The following CD24 variants were observed in gnomAD, a reference collection of about 807,000 sequenced individuals.
CD24 encodes CD24 molecule, also known as signal transducer CD24.
A neutral mutation model predicts 3.6 loss-of-function variants in CD24; 2 were observed. The ratio of observed to expected loss-of-function variants is 0.56; its 90% CI spans 0.23 to 1.77. The LOEUF (loss-of-function observed/expected upper bound fraction) is 1.77. Ranked by LOEUF, CD24 falls within the 40% of genes most tolerant of loss-of-function variation. The probability of loss-of-function intolerance (pLI) is 0.18; values close to 1 mark genes in which losing one functional copy is unlikely to be tolerated. For synonymous variants in CD24, 33 were observed against 44.9 expected (o/e 0.74, Z 1.06); for missense variants, 62 against 93.6 (o/e 0.66, Z 1.39).
At chr6:106,973,322 T>G (rs1028681320) in intron 1 of CD24, 1 of 243,772 alleles carries the variant, frequency 4.1e-6, no homozygotes, top group East Asian at 8.0e-5. Context: ...CTTACAATGT[T>G]GGAGGAAAAA....
intron 1 of CD24, chr6:106,973,710 C>A: frequency 2.5e-6 from 1 of 398,608 alleles, no homozygotes. Context: ...CCAGGCCCAG[C>A]CCCCGGTCTC....
intron 1 of CD24, among the ~76,000 whole-genome samples, chr6:106,972,932 C>T (rs1773008869): frequency 1.3e-5 from 2 of 152,108 alleles, no homozygotes; most frequent in African/African-American, 4.8e-5. Context: ...ATGTACAAAT[C>T]CTATCCAAAA....
Position 106,974,711 on chromosome 6 carries a change from G to A in CD24, c.-65C>T, listed in dbSNP as rs986113953. 2.7e-6 allele frequency: 4 copies of A among 1,467,256 alleles called. No homozygotes were observed. Among genetic ancestry groups the A allele is most frequent in the Non-Finnish European group, 3.6e-6 (4 of 1,114,958 alleles). 90.9% of individuals were successfully genotyped at this position (1,467,256 alleles called of 1,614,324 possible). On this transcript the variant is annotated 5_prime_UTR_variant, in exon 1 of 2. Coordinates refer to ENST00000606017, the MANE Select transcript of CD24 (RefSeq NM_001359084.1). ...GGGTGCTTGGAGAACCGCTGGCTCC[G>A]GGCGGGCGCAGGCAAGGTGGGGAGC...
chr6:106,975,624 A>G (rs1193259461), upstream of CD24: 1 of 152,152 alleles, frequency 6.6e-6, no homozygotes, highest in Non-Finnish European at 1.5e-5. Context: ...TGACGCTGCA[A>G]ACTACAGGGT....
At chr6:106,973,497 C>A (rs996107817) in intron 1 of CD24, 10 of 396,668 alleles carry the variant, frequency 2.5e-5, no homozygotes, top group African/African-American at 1.8e-4. Context: ...GCGTTCCACA[C>A]TCAGGCTGCA....
chr6:106,971,374 A>G lies in CD24; in HGVS notation c.*287T>C. ...TAAGTGTCCATATTTCTCAAGCCACATTCAAGGAAATCATGTCTTAACTAT... is the reference window on the plus strand; with the variant it reads ...TAAGTGTCCATATTTCTCAAGCCACGTTCAAGGAAATCATGTCTTAACTAT... On this transcript the variant is annotated 3_prime_UTR_variant, in exon 2 of 2. Coordinates refer to ENST00000606017, the MANE Select transcript of CD24 (RefSeq NM_001359084.1). The G allele has an allele frequency of 2.7e-6, 1 of 368,972 alleles. No homozygotes were observed. Among genetic ancestry groups the G allele is most frequent in the Non-Finnish European group, 4.9e-6 (1 of 205,108 alleles). The allele number at this position is 368,972 out of a possible 1,614,324, so 22.9% of individuals were successfully genotyped here.
At chr6:106,974,521 TC>T in intron 1 of CD24, 56 bp downstream of exon 1, 1 of 1,064,910 alleles carries the variant, frequency 9.4e-7, no homozygotes, top group Non-Finnish European at 1.3e-6. Flanking sequence ...CGGGTCCATC[TC>T]CCCTGCCCCC....
upstream of CD24, chr6:106,975,088 G>A (rs1208986085): frequency 0.092 from 13,961 of 152,044 alleles, 858 homozygotes; most frequent in Middle Eastern, 0.2. Context: ...GCCGCGCTGG[G>A]GGCCGGGCCC....
intron 1 of CD24, among the ~76,000 whole-genome samples, chr6:106,974,349 C>T (rs1325209596): frequency 1.3e-5 from 2 of 152,126 alleles, no homozygotes; most frequent in Non-Finnish European, 2.9e-5. Flanking sequence ...AGCCCGCACG[C>T]GGAGCTGCAT....
upstream of CD24, chr6:106,975,353 C>CT (rs1773085421): frequency 6.6e-6 from 1 of 151,994 alleles, no homozygotes; most frequent in South Asian, 2.1e-4. Context: ...GGCGCGGACG[C>CT]GGGCCGGACG....
chr6:106,974,671 G>T lies in CD24; in HGVS notation c.-25C>A, dbSNP rs1419034656. Reference sequence around the variant, plus strand: ...TGTCCCCTCCGTCGGTGCGCGGCGCGTCTAGCAGGATGCTGGGTGCTTGGA... The same window carrying T: ...TGTCCCCTCCGTCGGTGCGCGGCGCTTCTAGCAGGATGCTGGGTGCTTGGA... On this transcript the variant is annotated 5_prime_UTR_variant, in exon 1 of 2. Coordinates refer to ENST00000606017, the MANE Select transcript of CD24 (RefSeq NM_001359084.1). 2.7e-6 allele frequency: 4 copies of T among 1,491,488 alleles called. No individual in the cohort carries two copies. In the African/African-American group the frequency reaches 4.4e-5, roughly 16 times the overall value. 92.4% of individuals were successfully genotyped at this position (1,491,488 alleles called of 1,614,324 possible).
At chr6:106,975,638 G>C (rs969823832), upstream of CD24, 1 of 152,226 alleles carries the variant, frequency 6.6e-6, no homozygotes, top group Non-Finnish European at 1.5e-5. Flanking sequence ...ACAGGGTTTC[G>C]GTCCCCCGCG....
At chr6:106,973,148 A>G (rs1773013916) in intron 1 of CD24, among the ~76,000 whole-genome samples, 1 of 152,194 alleles carries the variant, frequency 6.6e-6, no homozygotes, top group African/African-American at 2.4e-5. Context: ...TATTCATGCA[A>G]TGAGTTTTAC....
chr6:106,971,440 A>G lies in CD24; in HGVS notation c.*221T>C. ...TCCTTCATCTTGTACATGAAACTCC[A>G]GCAGATTTAATATTGGCATCCATCA... On this transcript the variant is annotated 3_prime_UTR_variant, in exon 2 of 2. Coordinates refer to ENST00000606017, the MANE Select transcript of CD24 (RefSeq NM_001359084.1). 1 of 519,948 alleles carries G rather than the reference A, an allele frequency of 1.9e-6. No homozygotes were observed. Among genetic ancestry groups the G allele is most frequent in the Non-Finnish European group, 3.4e-6 (1 of 297,940 alleles). 32.2% of individuals were successfully genotyped at this position (519,948 alleles called of 1,614,324 possible).
chr6:106,973,669 C>T (rs1231463923), intron 1 of CD24: 5 of 398,768 alleles, frequency 1.3e-5, no homozygotes, highest in Non-Finnish European at 2.2e-5. Flanking sequence ...AACAAACGTA[C>T]CTTCTTCGCC....
intron 1 of CD24, among the ~76,000 whole-genome samples, chr6:106,974,359 T>C (rs1418172079): frequency 6.6e-6 from 1 of 152,116 alleles, no homozygotes; most frequent in Admixed American, 6.5e-5. Context: ...CGGAGCTGCA[T>C]TGTTCCCAGG....
intron 1 of CD24, among the ~76,000 whole-genome samples, chr6:106,972,084 T>C (rs1772985164): frequency 6.6e-6 from 1 of 152,194 alleles, no homozygotes; most frequent in Non-Finnish European, 1.5e-5. Context: ...ATTCAATAAC[T>C]ATAACTCCTG....
intron 1 of CD24, chr6:106,973,709 G>T: frequency 2.5e-6 from 1 of 398,594 alleles, no homozygotes. Context: ...CCCAGGCCCA[G>T]CCCCCGGTCT....
upstream of CD24, chr6:106,975,304 C>T (rs2054261028): frequency 6.6e-6 from 1 of 152,072 alleles, no homozygotes; most frequent in African/African-American, 2.4e-5. Context: ...AGGGTTATCT[C>T]TCGGCCCGCC....
Sources: gnomAD v4.1 joint callset for allele counts (sites outside exome capture counted in the v4.1 genomes callset) on GRCh38, gnomAD v4.1.1 for gene constraint, MANE v1.5 for transcripts, NCBI Gene and HGNC (gene_info 2026-07-23, HGNC 2026-07-21) for gene names.